CYP4Z1: variants seen among roughly 807,000 people sequenced by gnomAD.
CYP4Z1 encodes cytochrome P450 4Z1.
Under a neutral mutation model 54.2 loss-of-function variants are expected in CYP4Z1, and 41 were observed. The ratio of observed to expected loss-of-function variants is 0.76; its 90% CI spans 0.59 to 0.98. CYP4Z1 has a LOEUF of 0.98. Among genes scored for constraint, CYP4Z1 ranks in the 50% least tolerant of loss-of-function variants. The probability of loss-of-function intolerance (pLI) is 0.00; values close to 1 mark genes in which losing one functional copy is unlikely to be tolerated. For missense variants in CYP4Z1, 513 were observed against 599.0 expected (o/e 0.86, Z 1.50); for synonymous variants, 163 against 206.2 (o/e 0.79, Z 1.79).
intron 6 of CYP4Z1, among the ~76,000 whole-genome samples, chr1:47,085,405 G>A (rs1644584960): frequency 1.3e-5 from 2 of 152,126 alleles, no homozygotes; most frequent in South Asian, 4.1e-4. Context: ...CCTTTTGCAT[G>A]GGTTTTTGGG....
At chr1:47,064,151 C>G (rs1183246568), upstream of CYP4Z1, among the ~76,000 whole-genome samples, 1 of 150,220 alleles carries the variant, frequency 6.7e-6, no homozygotes, top group Admixed American at 6.6e-5. Context: ...GGCGCGATCC[C>G]AGCTCACTGC....
rs397833350 is a variant in CYP4Z1 at position 47,079,453 on chromosome 1, C to G, written c.320-1170C>G. On this transcript the variant is annotated intron_variant, in intron 2 of 11. Coordinates refer to ENST00000334194, the MANE Select transcript of CYP4Z1 (RefSeq NM_178134.3). ...GGACAGTTCCTAATCCACCATTTTT[C>G]CTGATGTCACTCTTAGACATTATTT... Among the ~76,000 whole-genome samples, 178 of 151,476 alleles carry G rather than the reference C, an allele frequency of 1.2e-3. 1 individual carries two copies. Among genetic ancestry groups the G allele is most frequent in the Admixed American group, 3.8e-3 (58 of 15,210 alleles).
chr1:47,087,457 A>G (rs1644604818), intron 6 of CYP4Z1, among the ~76,000 whole-genome samples: 2 of 152,170 alleles, frequency 1.3e-5, no homozygotes, highest in South Asian at 4.1e-4. Context: ...CTTTGAAGCA[A>G]TTGTAAATGG....
chr1:47,086,868 G>A (rs1270716019), intron 6 of CYP4Z1, among the ~76,000 whole-genome samples: 1 of 152,108 alleles, frequency 6.6e-6, no homozygotes, highest in Non-Finnish European at 1.5e-5. Flanking sequence ...ATTAATTTTT[G>A]TATAAGGTGT....
chr1:47,092,138 C>T (rs1644642688), intron 6 of CYP4Z1, among the ~76,000 whole-genome samples: 1 of 151,984 alleles, frequency 6.6e-6, no homozygotes, highest in Admixed American at 6.5e-5. Flanking sequence ...ATCTGTGCCA[C>T]AGGCTGGACA....
chr1:47,069,160 C>G (rs1252156520), intron 2 of CYP4Z1, among the ~76,000 whole-genome samples: 1 of 152,238 alleles, frequency 6.6e-6, no homozygotes. Context: ...GCTTTGCCCA[C>G]TAATGTTGCC....
chr1:47,106,687 C>T (rs915022630), intron 9 of CYP4Z1, among the ~76,000 whole-genome samples: 5 of 152,084 alleles, frequency 3.3e-5, no homozygotes, highest in African/African-American at 1.2e-4. Context: ...TCCACAGACT[C>T]CAGGATTCAC....
chr1:47,114,087 C>T (rs980579829), intron 9 of CYP4Z1, among the ~76,000 whole-genome samples: 27 of 151,852 alleles, frequency 1.8e-4, no homozygotes, highest in Non-Finnish European at 3.7e-4. Context: ...GGTACTGGTA[C>T]CAAAACAGAG....
rs868606124 is a variant in CYP4Z1 at position 47,074,108 on chromosome 1, T to G, written c.319+5345T>G. On this transcript the variant is annotated intron_variant, in intron 2 of 11. Coordinates refer to ENST00000334194, the MANE Select transcript of CYP4Z1 (RefSeq NM_178134.3). ...ATACATAGGTCTTTAGTCCTTTTTT[T>G]GGGTGAAAGAAGCCTAAAGTAGGGG... Among the ~76,000 whole-genome samples the G allele has an allele frequency of 2.6e-4, 39 of 152,356 alleles. No individual in the cohort carries two copies. The Middle Eastern group carries it at 0.014, about 53-fold the overall frequency.
intron 6 of CYP4Z1, among the ~76,000 whole-genome samples, chr1:47,092,268 C>T (rs938106127): frequency 1.3e-5 from 2 of 151,926 alleles, no homozygotes; most frequent in South Asian, 2.1e-4. Flanking sequence ...TTGTTGCTAC[C>T]GTCTCTCTCC....
intron 8 of CYP4Z1, among the ~76,000 whole-genome samples, chr1:47,102,810 CT>C (rs1456732514): frequency 6.6e-5 from 10 of 152,054 alleles, no homozygotes; most frequent in Non-Finnish European, 1.3e-4. Context: ...TAGAGAAGAC[CT>C]TTTGAATTGT....
intron 9 of CYP4Z1, among the ~76,000 whole-genome samples, chr1:47,110,593 C>T (rs1405905918): frequency 6.6e-6 from 1 of 152,134 alleles, no homozygotes; most frequent in Non-Finnish European, 1.5e-5. Flanking sequence ...TTGAGACTCA[C>T]CCAAAGGAGC....
chr1:47,067,762 A>C (rs1177018755), intron 1 of CYP4Z1, 95 bp downstream of exon 1: 1 of 1,181,286 alleles, frequency 8.5e-7, no homozygotes, highest in Non-Finnish European at 1.2e-6. Flanking sequence ...TGTAATATGC[A>C]AAATGCTTTC....
At chr1:47,064,034 G>A (rs951617242), upstream of CYP4Z1, among the ~76,000 whole-genome samples, 2 of 149,908 alleles carry the variant, frequency 1.3e-5, no homozygotes, top group African/African-American at 2.4e-5. Flanking sequence ...CAGATTAACA[G>A]CAGATTTCTC....
chr1:47,064,241 G>A (rs1051532193), upstream of CYP4Z1, among the ~76,000 whole-genome samples: 11 of 151,672 alleles, frequency 7.3e-5, no homozygotes, highest in African/African-American at 1.9e-4. Context: ...ACCACCACAC[G>A]CCTGGCTAAT....
At chr1:47,104,731 C>T (rs1644745304) in intron 8 of CYP4Z1, among the ~76,000 whole-genome samples, 1 of 152,126 alleles carries the variant, frequency 6.6e-6, no homozygotes, top group South Asian at 2.1e-4. Context: ...AGACAGCATG[C>T]TCAGGTACTG....
intron 9 of CYP4Z1, among the ~76,000 whole-genome samples, chr1:47,108,608 C>A (rs1644772703): frequency 6.6e-6 from 1 of 152,192 alleles, no homozygotes; most frequent in Admixed American, 6.5e-5. Flanking sequence ...GTGCCATGGT[C>A]CCATTCACTC....
Position 47,116,669 on chromosome 1 carries a change from T to C in CYP4Z1, c.1286T>C (p.Phe429Ser). ...TTACAGGTCTTTAACCCCTTGAGAT[T>C]CTCCAGGGAAAATTCTGAAAAAATA... The part of the protein sequence containing the change: ...EDPQVFNPLR[F>S]SRENSEKIHP... Residue 429 changes from phenylalanine to serine, a missense_variant, in exon 11 of 12, where the codon TTC becomes TCC. Phe to Ser is a radical substitution (Grantham distance 155). Transcript: ENST00000334194. 5 of 1,611,234 alleles carry C rather than the reference T, an allele frequency of 3.1e-6. No homozygotes were observed. Among genetic ancestry groups the C allele is most frequent in the Non-Finnish European group, 4.2e-6 (5 of 1,178,024 alleles).
chr1:47,062,510 T>C (rs950554772), upstream of CYP4Z1, among the ~76,000 whole-genome samples: 7 of 151,802 alleles, frequency 4.6e-5, no homozygotes, highest in Admixed American at 4.6e-4. Context: ...ACAGTAGGAG[T>C]GAGACTGGCC....
Sources: allele counts gnomAD v4.1 joint callset (sites outside exome capture counted in the v4.1 genomes callset), GRCh38; gene constraint gnomAD v4.1.1; transcripts MANE v1.5; gene names NCBI Gene and HGNC (gene_info 2026-07-23, HGNC 2026-07-21).